CHN2: variants seen among roughly 807,000 people sequenced by gnomAD.
The protein encoded by CHN2 is chimerin 2.
A neutral mutation model predicts 56.3 loss-of-function variants in CHN2; 35 were observed. The observed-to-expected ratio is 0.62, with a 90% CI of 0.47 to 0.82. The LOEUF (loss-of-function observed/expected upper bound fraction) is 0.82. Ranked by LOEUF, CHN2 falls within the 40% of genes least tolerant of loss-of-function variation. The pLI, the probability that CHN2 is intolerant of heterozygous loss-of-function variation, is 0.00. For synonymous variants in CHN2, 210 were observed against 212.8 expected, an observed-to-expected ratio of 0.99 and a Z score of 0.12; for missense variants, 491 against 580.5, an observed-to-expected ratio of 0.85 and a Z score of 1.58.
intron 3 of CHN2, chr7:29,376,400 A>G (rs761059607): frequency 2.6e-5 from 4 of 152,234 alleles, no homozygotes; most frequent in African/African-American, 9.7e-5. Context: ...GTTCATATCA[A>G]TGGCTGGGCT....
chr7:29,357,188 G>A (rs984485013), intron 2 of CHN2, among the ~76,000 whole-genome samples: 1 of 152,170 alleles, frequency 6.6e-6, no homozygotes, highest in Non-Finnish European at 1.5e-5. Context: ...ACCAAGTTGT[G>A]TGTTTTAAAA....
intron 2 of CHN2, chr7:29,147,110 G>C (rs1325551674): frequency 4.7e-6 from 5 of 1,073,974 alleles, no homozygotes; most frequent in Middle Eastern, 3.0e-4. Flanking sequence ...CCCATCCAGG[G>C]TCACATTGCT....
intron 1 of CHN2, among the ~76,000 whole-genome samples, chr7:29,351,107 C>CAAAAAAAAAAA (rs55787771): frequency 2.9e-5 from 2 of 70,044 alleles, no homozygotes; most frequent in Non-Finnish European, 5.6e-5. Flanking sequence ...GACTCCATCT[C>CAAAAAAAAAAA]AAAAAAAAAA....
chr7:29,262,422 C>G (rs987828135), intron 1 of CHN2, among the ~76,000 whole-genome samples: 3 of 152,146 alleles, frequency 2.0e-5, no homozygotes, highest in Non-Finnish European at 2.9e-5. Flanking sequence ...TTTCTCTATA[C>G]TAGGCTAAAC....
intron 2 of CHN2, among the ~76,000 whole-genome samples, chr7:29,151,000 T>C (rs1216920553): frequency 6.6e-6 from 1 of 152,142 alleles, no homozygotes; most frequent in Non-Finnish European, 1.5e-5. Flanking sequence ...TCTACAGCTG[T>C]TCTGCACCTC....
At chr7:29,345,846 A>G (rs377141042) in intron 1 of CHN2, among the ~76,000 whole-genome samples, 22 of 152,234 alleles carry the variant, frequency 1.4e-4, no homozygotes, top group South Asian at 1.0e-3. Context: ...CCATGGCTTC[A>G]TCATCTTCAG....
intron 1 of CHN2, among the ~76,000 whole-genome samples, chr7:29,299,197 T>A (rs186075336): frequency 2.0e-4 from 31 of 152,290 alleles, no homozygotes; most frequent in Middle Eastern, 6.8e-3. Context: ...GTGCTCCCAC[T>A]GCGTAGACCG....
At chr7:29,216,239 G>A (rs1785330579) in intron 1 of CHN2, among the ~76,000 whole-genome samples, 1 of 152,310 alleles carries the variant, frequency 6.6e-6, no homozygotes, top group South Asian at 2.1e-4. Flanking sequence ...AGACTCTGCA[G>A]TATATCTGGG....
intron 1 of CHN2, among the ~76,000 whole-genome samples, chr7:29,346,260 G>A (rs1387360808): frequency 1.3e-5 from 2 of 152,180 alleles, no homozygotes; most frequent in Admixed American, 6.5e-5. Context: ...GGACCCAAGC[G>A]TGGGCATAAT....
At chr7:29,253,914 T>C (rs1014379310) in intron 1 of CHN2, among the ~76,000 whole-genome samples, 3 of 152,210 alleles carry the variant, frequency 2.0e-5, no homozygotes, top group African/African-American at 7.2e-5. Context: ...CTATTTTTTT[T>C]TTCTTTTCGA....
intron 1 of CHN2, among the ~76,000 whole-genome samples, chr7:29,353,704 G>A (rs1427215654): frequency 6.6e-6 from 1 of 152,176 alleles, no homozygotes; most frequent in Non-Finnish European, 1.5e-5. Context: ...GGCAGGCTTT[G>A]TGGTGCACCA....
chr7:29,187,141 T>G (rs1369013471), intron 2 of CHN2, among the ~76,000 whole-genome samples: 2 of 152,182 alleles, frequency 1.3e-5, no homozygotes, highest in African/African-American at 4.8e-5. Context: ...TCATAATACC[T>G]GGAGCAGTAG....
chr7:29,325,013 T>C (rs1373570655), intron 1 of CHN2, among the ~76,000 whole-genome samples: 2 of 152,220 alleles, frequency 1.3e-5, no homozygotes, highest in East Asian at 3.8e-4. Flanking sequence ...CCTTGTCTGC[T>C]TCATTTTCTC....
intron 6 of CHN2, among the ~76,000 whole-genome samples, chr7:29,417,084 C>T (rs901633115): frequency 1.2e-4 from 18 of 152,198 alleles, no homozygotes; most frequent in African/African-American, 2.9e-4. Context: ...CCAGCTACCT[C>T]TGCAGCGCGT....
chr7:29,262,997 A>AATCC (rs911630158), intron 1 of CHN2, among the ~76,000 whole-genome samples: 1 of 152,090 alleles, frequency 6.6e-6, no homozygotes, highest in Non-Finnish European at 1.5e-5. Context: ...TTAAAATAAG[A>AATCC]ATCCCTTCTC....
intron 1 of CHN2, among the ~76,000 whole-genome samples, chr7:29,203,063 C>T (rs192795247): frequency 4.0e-4 from 61 of 152,294 alleles, no homozygotes; most frequent in African/African-American, 1.4e-3. Flanking sequence ...TTGAGATGTG[C>T]TACAAGTGTA....
intron 1 of CHN2, among the ~76,000 whole-genome samples, chr7:29,266,850 T>C (rs1237011905): frequency 6.6e-6 from 1 of 152,184 alleles, no homozygotes; most frequent in Admixed American, 6.5e-5. Context: ...CCAGGAAGCC[T>C]CCACCTCTTC....
chr7:29,312,309 C>T (rs1170661773), intron 1 of CHN2, among the ~76,000 whole-genome samples: 1 of 152,156 alleles, frequency 6.6e-6, no homozygotes, highest in Non-Finnish European at 1.5e-5. Flanking sequence ...ACCTCATTCT[C>T]TCCCTCCCTT....
chr7:29,463,970 C>T (rs1785369299), intron 6 of CHN2, among the ~76,000 whole-genome samples: 1 of 152,146 alleles, frequency 6.6e-6, no homozygotes, highest in Non-Finnish European at 1.5e-5. Flanking sequence ...CTCCACTGGC[C>T]CTGAATGACT....
Sources: gnomAD v4.1 joint callset for allele counts (sites outside exome capture counted in the v4.1 genomes callset) on GRCh38, gnomAD v4.1.1 for gene constraint, MANE v1.5 for transcripts, NCBI Gene and HGNC (gene_info 2026-07-23, HGNC 2026-07-21) for gene names.